The following DMD variants were observed in gnomAD, a reference collection of about 807,000 sequenced individuals.
The protein encoded by DMD is mutant dystrophin.
DMD carries 63 observed loss-of-function variants against 330.1 expected under a neutral mutation model. The ratio of observed to expected loss-of-function variants is 0.19; its 90% CI spans 0.16 to 0.24. The LOEUF is 0.24. Ranked by LOEUF, DMD falls within the 10% of genes least tolerant of loss-of-function variation. DMD has a pLI of 1.00. For synonymous variants in DMD, 1,223 were observed against 959.8 expected, an observed-to-expected ratio of 1.27 and a Z score of -5.07; for missense variants, 3,344 against 2,684.1, an observed-to-expected ratio of 1.25 and a Z score of -5.43.
intron 48 of DMD, among the ~76,000 whole-genome samples, chrX:31,863,139 C>G (rs890804837): frequency 8.9e-6 from 1 of 112,221 alleles, no homozygotes; most frequent in East Asian, 2.8e-4. Flanking sequence ...GTCAGGAGAT[C>G]GAGACCATCC....
intron 44 of DMD, among the ~76,000 whole-genome samples, chrX:32,010,424 A>G (rs938011727): frequency 5.3e-4 from 59 of 111,419 alleles, no homozygotes; most frequent in African/African-American, 1.8e-3. Context: ...TGCAAATCAG[A>G]CACTCTCTCT....
chrX:32,515,630 T>C lies in DMD; in HGVS notation c.2292+2378A>G, dbSNP rs184101426. On this transcript the variant is annotated intron_variant, in intron 18 of 78. Coordinates refer to ENST00000357033, the MANE Select transcript of DMD (RefSeq NM_004006.3). ...AGTTGTTAGAATCTGTTAATTCAGC[T>C]AAAAAGTCTGAACTGCAGTGATACT... 8.0e-5 allele frequency among the ~76,000 whole-genome samples: 9 copies of C among 112,049 alleles called. No homozygotes were observed. The East Asian group carries it at 1.7e-3, about 21-fold the overall frequency.
intron 1 of DMD, among the ~76,000 whole-genome samples, chrX:33,078,532 A>T (rs1158981558): frequency 8.9e-6 from 1 of 112,216 alleles, no homozygotes; most frequent in African/African-American, 3.2e-5. Flanking sequence ...GCTCTAAAGA[A>T]ATAAGTTATG....
At chrX:32,997,595 T>C (rs945923390) in intron 2 of DMD, among the ~76,000 whole-genome samples, 3 of 112,155 alleles carry the variant, frequency 2.7e-5, no homozygotes, top group African/African-American at 9.7e-5. Flanking sequence ...TCTATGTTCA[T>C]GAAAATATGC....
At chrX:31,367,816 G>A (rs927423145) in intron 60 of DMD, among the ~76,000 whole-genome samples, 1 of 111,452 alleles carries the variant, frequency 9.0e-6, no homozygotes, top group African/African-American at 3.3e-5. Context: ...CTGCACTGAT[G>A]GTTCTCCATA....
chrX:32,008,571 TATAAGCAAA>T (rs1483762783), intron 44 of DMD, among the ~76,000 whole-genome samples: 1 of 111,994 alleles, frequency 8.9e-6, no homozygotes, highest in Non-Finnish European at 1.9e-5. Flanking sequence ...GGTGTGGTTG[TATAAGCAAA>T]ATGGATAGAC....
intron 74 of DMD, 98 bp downstream of exon 74, chrX:31,169,345 G>T: frequency 1.7e-6 from 1 of 603,586 alleles, no homozygotes; most frequent in Non-Finnish European, 2.7e-6. Context: ...AAAACAATTA[G>T]ACATAAAATG....
In DMD at chrX:31,140,556, T is replaced by C. The variant is rs777289955; in HGVS notation, c.10921+5735A>G. ...ACAATTAATTTTTTTCCATATGATA[T>C]AGGACCGATGCTTTCAATTTCACAC... is the stretch of plus-strand genomic sequence containing the variant. On this transcript the variant is annotated intron_variant, in intron 76 of 78. Transcript: ENST00000357033. Among the ~76,000 whole-genome samples, 4 of 112,131 alleles carry C rather than the reference T, an allele frequency of 3.6e-5. No homozygotes were observed. In the South Asian group the frequency reaches 1.5e-3, roughly 41 times the overall value.
intron 4 of DMD, among the ~76,000 whole-genome samples, chrX:32,826,177 A>G (rs943926642): frequency 4.5e-5 from 5 of 111,852 alleles, no homozygotes; most frequent in African/African-American, 1.6e-4. Flanking sequence ...TATTATCAAA[A>G]AGACAAAAGG....
chrX:31,435,142 G>A (rs775258993), intron 60 of DMD, among the ~76,000 whole-genome samples: 5 of 111,448 alleles, frequency 4.5e-5, no homozygotes, highest in Non-Finnish European at 9.4e-5. Context: ...GTAAAATGAG[G>A]TTAAAATTGT....
intron 44 of DMD, among the ~76,000 whole-genome samples, chrX:32,157,454 A>G (rs1425614543): frequency 2.7e-5 from 3 of 112,528 alleles, no homozygotes; most frequent in Non-Finnish European, 5.6e-5. Flanking sequence ...AGGAGTTGCT[A>G]CTTGGATTGT....
In DMD at chrX:32,092,447, T is replaced by C. The variant is rs750335623; in HGVS notation, c.6439-123933A>G. On this transcript the variant is annotated intron_variant, in intron 44 of 78. Transcript: ENST00000357033. ...CAACAGCAGTAGATGGAATTTTTAT[T>C]TGAAACACCACCACTAAATAGCTTT... Among the ~76,000 whole-genome samples the C allele has an allele frequency of 4.6e-4, 52 of 111,919 alleles. No individual in the cohort carries two copies. In the South Asian group the frequency reaches 0.011, roughly 23 times the overall value.
At chrX:31,310,402 T>G (rs1009913051) in intron 62 of DMD, among the ~76,000 whole-genome samples, 6 of 110,551 alleles carry the variant, frequency 5.4e-5, no homozygotes, top group Non-Finnish European at 7.6e-5. Flanking sequence ...TTTTTTTTTT[T>G]GGCAGAAAAG....
chrX:33,070,864 A>G (rs1292541201), intron 1 of DMD, among the ~76,000 whole-genome samples: 1 of 108,542 alleles, frequency 9.2e-6, no homozygotes, highest in Non-Finnish European at 1.9e-5. Flanking sequence ...ATCTATCTAG[A>G]AAAAAGGGCC....
At chrX:32,372,834 G>C (rs143579407) in intron 34 of DMD, among the ~76,000 whole-genome samples, 2,255 of 110,839 alleles carry the variant, frequency 0.02, 53 homozygotes, top group African/African-American at 0.068. Flanking sequence ...CTTTCCTCCT[G>C]TCATTTTAAT....
At chrX:32,743,972 T>A (rs188937187) in intron 7 of DMD, among the ~76,000 whole-genome samples, 3 of 111,264 alleles carry the variant, frequency 2.7e-5, no homozygotes. Context: ...AATAAATATA[T>A]AGAAACTATG....
At chrX:32,199,622 T>A (rs1219719619) in intron 44 of DMD, among the ~76,000 whole-genome samples, 1 of 109,053 alleles carries the variant, frequency 9.2e-6, no homozygotes, top group Non-Finnish European at 1.9e-5. Flanking sequence ...TTCTTTCTTT[T>A]CTTTTTTTTT....
At chrX:33,190,342 A>G (rs2050461764) in intron 1 of DMD, among the ~76,000 whole-genome samples, 1 of 104,731 alleles carries the variant, frequency 9.5e-6, no homozygotes, top group African/African-American at 3.4e-5. Context: ...CTGAAGCATA[A>G]ACTTGGCTAC....
intron 11 of DMD, among the ~76,000 whole-genome samples, chrX:32,642,968 T>A (rs1314177685): frequency 9.0e-6 from 1 of 111,422 alleles, no homozygotes; most frequent in Non-Finnish European, 1.9e-5. Context: ...CTGAAGAATG[T>A]TGGCATATGA....
Sources: allele counts gnomAD v4.1 joint callset (sites outside exome capture counted in the v4.1 genomes callset), GRCh38; gene constraint gnomAD v4.1.1; transcripts MANE v1.5; gene names NCBI Gene and HGNC (gene_info 2026-07-23, HGNC 2026-07-21).